MYH1: variants seen among roughly 807,000 people sequenced by gnomAD.
The protein encoded by MYH1 is myosin-1.
A neutral mutation model predicts 225.6 loss-of-function variants in MYH1; 214 were observed. That is an observed-to-expected ratio of 0.95 (90% CI 0.85 to 1.06). The LOEUF (loss-of-function observed/expected upper bound fraction) is 1.06, where lower values mean the gene tolerates loss of function less well. Ranked by LOEUF, MYH1 falls within the 50% of genes least tolerant of loss-of-function variation. The probability of loss-of-function intolerance (pLI) is 0.00; values close to 1 mark genes in which losing one functional copy is unlikely to be tolerated. For missense variants in MYH1, 2,098 were observed against 2,344.2 expected, an observed-to-expected ratio of 0.89 and a Z score of 2.17; for synonymous variants, 774 against 842.3, an observed-to-expected ratio of 0.92 and a Z score of 1.40.
Position 10,506,065 on chromosome 17 carries a change from C to T in MYH1, c.2003G>A (p.Ser668Asn). The change falls in exon 18 of 40, where the codon AGC becomes AAC. Residue 668 changes from serine to asparagine, a missense_variant. Coordinates refer to ENST00000226207, the MANE Select transcript of MYH1 (RefSeq NM_005963.4). The stretch of plus-strand genomic sequence containing the variant: ...GCACCGCACAAAGTGGGGGTGAGTG[C>T]TCCTCAAGTTGGTCATCAGCTTATT... ...NLNKLMTNLR[S>N]THPHFVRCII... 3 of 1,614,174 alleles carry T rather than the reference C, an allele frequency of 1.9e-6. No individual in the cohort carries two copies. Among genetic ancestry groups the T allele is most frequent in the South Asian group, 2.2e-5 (2 of 91,088 alleles).
intron 15 of MYH1, 30 bp from the exon 16 acceptor site, chr17:10,508,702 T>G: frequency 1.2e-6 from 2 of 1,606,820 alleles, no homozygotes; most frequent in Non-Finnish European, 1.7e-6. Context: ...TAAATGCCAC[T>G]TGAATTCTGT....
rs142884848 is a variant in MYH1, at chr17:10,498,651, G to C, written c.4156C>G (p.Arg1386Gly). ...TTGGCCTCCTCCAGCTCCTCTGTGC[G>C]CTGGATGGCATCTGTCTCATATTTG... ...RTKYETDAIQ[R>G]TEELEEAKKK... Residue 1386 changes from arginine to glycine, a missense_variant, in exon 30 of 40, where the codon CGC becomes GGC. Coordinates refer to ENST00000226207, the MANE Select transcript of MYH1 (RefSeq NM_005963.4). 1.2e-6 allele frequency: 2 copies of C among 1,613,828 alleles called. No homozygotes were observed. Among genetic ancestry groups the C allele is most frequent in the African/African-American group, 1.3e-5 (1 of 74,914 alleles).
chr17:10,510,149 G>GT lies in MYH1; in HGVS notation c.1417-495dup, dbSNP rs573059536. Among the ~76,000 whole-genome samples, 8 of 149,376 alleles carry GT rather than the reference G, an allele frequency of 5.4e-5. No homozygotes were observed. The East Asian group carries it at 5.9e-4, about 11-fold the overall frequency. On this transcript the variant is annotated intron_variant, in intron 14 of 39. Coordinates refer to ENST00000226207, the MANE Select transcript of MYH1 (RefSeq NM_005963.4). ...TTCACATGGACCCCTGAACTTAAAA[G>GT]TTTTTTTTTTAAAAGTTGTTTGGTT... is the stretch of plus-strand genomic sequence containing the variant.
intron 10 of MYH1, 41 bp from the exon 11 acceptor site, chr17:10,512,825 A>C: frequency 6.2e-7 from 1 of 1,608,090 alleles, no homozygotes; most frequent in Non-Finnish European, 8.5e-7. Context: ...ACATTAGAAG[A>C]TAGTACAGTG....
At position 10,501,414 on chromosome 17, in the gene MYH1, C is replaced by T. The variant is rs147919797; in HGVS notation, c.3434G>A (p.Arg1145Gln). 7.4e-6 allele frequency: 12 copies of T among 1,614,206 alleles called. No individual in the cohort carries two copies. The highest frequency in any genetic ancestry group is 1.7e-5 in the Admixed American group (1 of 60,028). Reference sequence around the variant, plus strand: ...CCTCTCGCTGATCTCCTCCAGCTCCCGGGAGAGATCAGAGCGCTGCTTCTC... The same window carrying T: ...CCTCTCGCTGATCTCCTCCAGCTCCTGGGAGAGATCAGAGCGCTGCTTCTC... ...KAEKQRSDLSRELEEISERLE... is the reference protein window; with the variant it reads ...KAEKQRSDLSQELEEISERLE... The change falls in exon 27 of 40, where the codon CGG becomes CAG. Residue 1145 changes from arginine (R) to glutamine (Q), a missense_variant. Transcript: ENST00000226207.
chr17:10,507,755 C>A (rs1460995559), intron 17 of MYH1, 131 bp downstream of exon 17: 7 of 759,542 alleles, frequency 9.2e-6, no homozygotes. Context: ...CTCAGTCTTA[C>A]CACTACCAGC....
rs746740078 is a variant in MYH1, at chr17:10,512,389, A to T, written c.1147+19T>A. Reference sequence around the variant, plus strand: ...GCCTATATTCTCTCATTAAACCCAGATGGAGATTCATTTGGTACCTTCAGT... The same window carrying T: ...GCCTATATTCTCTCATTAAACCCAGTTGGAGATTCATTTGGTACCTTCAGT... On this transcript the variant is annotated intron_variant, in intron 12 of 39. Transcript: ENST00000226207. 6.2e-7 allele frequency: 1 copy of T among 1,614,104 alleles called. No homozygotes were observed. The highest frequency in any genetic ancestry group is 2.2e-5 in the East Asian group (1 of 44,878).
chr17:10,516,548 A>G lies in MYH1; in HGVS notation c.95T>C (p.Phe32Ser), dbSNP rs373514983. ...RERIEAQNKP[F>S]DAKTSVFVVD... is the part of the protein sequence containing the mutation. The stretch of plus-strand genomic sequence containing the variant: ...CACAAAGACTGATGTCTTGGCATCA[A>G]AAGGCTTGTTCTGGGCTTCAATTCG... Residue 32 changes from phenylalanine (F) to serine (S), a missense_variant, in exon 3 of 40, where the codon TTT becomes TCT. Coordinates refer to ENST00000226207, the MANE Select transcript of MYH1 (RefSeq NM_005963.4). 41 of 1,614,080 alleles carry G rather than the reference A, an allele frequency of 2.5e-5. No homozygotes were observed. Among genetic ancestry groups the G allele is most frequent in the Non-Finnish European group, 3.1e-5 (36 of 1,180,054 alleles).
intron 30 of MYH1, 30 bp from the exon 31 acceptor site, chr17:10,497,947 G>T: frequency 6.4e-7 from 1 of 1,567,970 alleles, no homozygotes; most frequent in African/African-American, 1.4e-5. Flanking sequence ...AAAGTGAATG[G>T]CTGTCAACTG....
At chr17:10,508,890 TA>T (rs2073144562) in intron 15 of MYH1, among the ~76,000 whole-genome samples, 1 of 152,138 alleles carries the variant, frequency 6.6e-6, no homozygotes, top group Non-Finnish European at 1.5e-5. Context: ...TATGACAGAG[TA>T]AGACAGATGA....
chr17:10,494,926 C>G lies in MYH1; in HGVS notation c.5466+5G>C, dbSNP rs779167584. The G allele has an allele frequency of 1.2e-6, 2 of 1,614,060 alleles. No homozygotes were observed. The highest frequency in any genetic ancestry group is 8.5e-7 in the Non-Finnish European group (1 of 1,179,986). On this transcript the variant is annotated splice_donor_5th_base_variant and intron_variant, in intron 37 of 39. Transcript: ENST00000226207. ...ATAGAAATACATGCTGATTAGGAGA[C>G]CCACCCTGGCCTCCAGTTTCTGGAT...
rs530442948 is a variant in MYH1, at chr17:10,514,882, C to T, written c.519G>A (p.Gln173=). 2 of 1,612,624 alleles carry T rather than the reference C, an allele frequency of 1.2e-6. No individual in the cohort carries two copies. Among genetic ancestry groups the T allele is most frequent in the Admixed American group, 1.7e-5 (1 of 59,812 alleles). ...YQFMLTDREN[Q]SILITGESGA... ...GGAATACATACGTGATCAAGATAGA[C>T]TGATTCTCCCGATCTAGAAGAAAAA... Residue 173 remains glutamine, a synonymous_variant, in exon 6 of 40, where the codon CAG becomes CAA. Transcript: ENST00000226207.
In MYH1 at chr17:10,493,619, A is replaced by G. The variant is rs576856592; in HGVS notation, c.5667+735T>C. ...ATTTACTTGACATGTTCACTTGTGT[A>G]TATATGGTATTATGTATCTAAAACA... On this transcript the variant is annotated intron_variant, in intron 39 of 39. Transcript: ENST00000226207. Among the ~76,000 whole-genome samples, 56 of 152,324 alleles carry G rather than the reference A, an allele frequency of 3.7e-4. 1 individual carries two copies. The highest frequency in any genetic ancestry group is 1.2e-3 in the African/African-American group (48 of 41,564).
intron 14 of MYH1, among the ~76,000 whole-genome samples, chr17:10,510,780 T>C (rs1187635231): frequency 8.1e-6 from 1 of 123,588 alleles, no homozygotes; most frequent in East Asian, 2.0e-4. Flanking sequence ...GGGGTTTCTG[T>C]GGCCTAGGGG....
chr17:10,503,362 T>G, intron 22 of MYH1, 114 bp from the exon 23 acceptor site: 1 of 1,413,892 alleles, frequency 7.1e-7, no homozygotes, highest in Non-Finnish European at 9.5e-7. Context: ...AGGTTAATTT[T>G]TATTAGCTTT....
Position 10,504,794 on chromosome 17 carries a change from A to T in MYH1, c.2691+16T>A. On this transcript the variant is annotated intron_variant, in intron 22 of 39. Coordinates refer to ENST00000226207, the MANE Select transcript of MYH1 (RefSeq NM_005963.4). ...TTTTAGCATCAGATTGCAGGAAATG[A>T]CTTCGGGATACTCACAGCTTGAACC... 1 of 1,612,888 alleles carries T rather than the reference A, an allele frequency of 6.2e-7. No homozygotes were observed. The highest frequency in any genetic ancestry group is 1.1e-5 in the South Asian group (1 of 90,904).
intron 8 of MYH1, 22 bp downstream of exon 8, chr17:10,513,799 C>T: frequency 6.2e-7 from 1 of 1,614,150 alleles, no homozygotes; most frequent in Non-Finnish European, 8.5e-7. Context: ...AGAGAAGACC[C>T]TTTGGCAACC....
chr17:10,514,848 C>T lies in MYH1; in HGVS notation c.533+20G>A, dbSNP rs751318070. The T allele has an allele frequency of 1.9e-6, 3 of 1,603,066 alleles. No individual in the cohort carries two copies. In the Admixed American group the frequency reaches 5.2e-5, roughly 28 times the overall value. Reference sequence around the variant, plus strand: ...CAGTAAGAACAAACTGCCAATAAATCTCAGAATAGGAATACATACGTGATC... The same window carrying T: ...CAGTAAGAACAAACTGCCAATAAATTTCAGAATAGGAATACATACGTGATC... On this transcript the variant is annotated intron_variant, in intron 6 of 39. Coordinates refer to ENST00000226207, the MANE Select transcript of MYH1 (RefSeq NM_005963.4).
intron 17 of MYH1, among the ~76,000 whole-genome samples, chr17:10,506,482 C>T (rs564953970): frequency 4.4e-4 from 67 of 151,634 alleles, no homozygotes; most frequent in African/African-American, 1.6e-3. Context: ...TTTTCTTTGT[C>T]TTTTCTTCTT....
Sources: gnomAD v4.1 joint callset for allele counts (sites outside exome capture counted in the v4.1 genomes callset) on GRCh38, gnomAD v4.1.1 for gene constraint, MANE v1.5 for transcripts, NCBI Gene and HGNC (gene_info 2026-07-23, HGNC 2026-07-21) for gene names.